Variants in ZSWIM5 observed in about 807,000 individuals in gnomAD.
The protein encoded by ZSWIM5 is zinc finger SWIM domain-containing protein 5.
A neutral mutation model predicts 119.6 loss-of-function variants in ZSWIM5; 55 were observed. That is an observed-to-expected ratio of 0.46 (90% CI 0.37 to 0.58). The LOEUF is 0.58. Ranked by LOEUF, ZSWIM5 falls within the 20% of genes least tolerant of loss-of-function variation. ZSWIM5 has a pLI of 0.00. For missense variants in ZSWIM5, 1,193 were observed against 1,512.8 expected, an observed-to-expected ratio of 0.79 and a Z score of 3.51; for synonymous variants, 537 against 606.9, an observed-to-expected ratio of 0.88 and a Z score of 1.69.
chr1:45,196,034 G>GTTTTTTTTTTTTT (rs34236930), intron 1 of ZSWIM5, among the ~76,000 whole-genome samples: 37 of 103,942 alleles, frequency 3.6e-4, no homozygotes, highest in African/African-American at 9.9e-4. Context: ...CACCCAGCTA[G>GTTTTTTTTTTTTT]TTTTTTTTTT....
At chr1:45,054,906 A>G (rs1645112085) in intron 4 of ZSWIM5, among the ~76,000 whole-genome samples, 1 of 152,128 alleles carries the variant, frequency 6.6e-6, no homozygotes, top group African/African-American at 2.4e-5. Context: ...GCTCACTGCA[A>G]TGTCTGCCTC....
rs1319276943 is a variant in ZSWIM5 at position 45,035,039 on chromosome 1, C to T, written c.2292-570G>A. Among the ~76,000 whole-genome samples the T allele has an allele frequency of 3.3e-5, 5 of 152,126 alleles. No individual in the cohort carries two copies. The East Asian group carries it at 5.8e-4, about 18-fold the overall frequency. On this transcript the variant is annotated intron_variant, in intron 10 of 13. Transcript: ENST00000359600. ...CTGGGCTCAAGCAATCTACCTGCCT[C>T]GGCCTCCCAAAGTGCTAGGATTATA...
chr1:45,029,770 T>C (rs992919928), intron 11 of ZSWIM5, among the ~76,000 whole-genome samples: 1 of 152,258 alleles, frequency 6.6e-6, no homozygotes, highest in African/African-American at 2.4e-5. Context: ...TGTATCAGAC[T>C]TTCATTCCTT....
At chr1:45,139,436 C>G (rs1474071195) in intron 1 of ZSWIM5, among the ~76,000 whole-genome samples, 5 of 143,310 alleles carry the variant, frequency 3.5e-5, no homozygotes, top group Non-Finnish European at 6.1e-5. Flanking sequence ...CTCTCTCCTT[C>G]CCTCCTCTCT....
At chr1:45,122,665 A>G (rs949668570) in intron 1 of ZSWIM5, among the ~76,000 whole-genome samples, 2 of 152,302 alleles carry the variant, frequency 1.3e-5, no homozygotes, top group African/African-American at 4.8e-5. Context: ...CAACCAAGAA[A>G]TGCCAACAGA....
At chr1:45,021,927 CAGG>C (rs1186095862) in intron 11 of ZSWIM5, among the ~76,000 whole-genome samples, 1 of 150,298 alleles carries the variant, frequency 6.7e-6, no homozygotes, top group Non-Finnish European at 1.5e-5. Context: ...GAGGCTGAGG[CAGG>C]AGAAGAGCTT....
At chr1:45,076,258 T>C (rs753356505) in intron 2 of ZSWIM5, among the ~76,000 whole-genome samples, 1 of 152,218 alleles carries the variant, frequency 6.6e-6, no homozygotes, top group Non-Finnish European at 1.5e-5. Flanking sequence ...ATCCTTTTTA[T>C]ACTGATAGAA....
chr1:45,156,741 A>G lies in ZSWIM5; in HGVS notation c.595+49015T>C, dbSNP rs550170614. Among the ~76,000 whole-genome samples, 6 of 151,834 alleles carry G rather than the reference A, an allele frequency of 4.0e-5. No individual in the cohort carries two copies. The East Asian group carries it at 1.2e-3, about 29-fold the overall frequency. ...GAAGTTAAAAAAAAAAAAAAAAAGA[A>G]CACACTGCACAGGTGATTGAGAAAG... On this transcript the variant is annotated intron_variant, in intron 1 of 13. Coordinates refer to ENST00000359600, the MANE Select transcript of ZSWIM5 (RefSeq NM_020883.2).
At chr1:45,196,063 A>C (rs1646120829) in intron 1 of ZSWIM5, among the ~76,000 whole-genome samples, 1 of 114,240 alleles carries the variant, frequency 8.8e-6, no homozygotes, top group Non-Finnish European at 1.9e-5. Context: ...TTTTTTAAAG[A>C]TGAGGTCTCA....
chr1:45,041,416 A>G (rs894068389), intron 6 of ZSWIM5, among the ~76,000 whole-genome samples: 6 of 152,314 alleles, frequency 3.9e-5, no homozygotes, highest in Admixed American at 2.0e-4. Context: ...TTTTTTCTTA[A>G]AGATAAAATT....
chr1:45,133,325 T>A (rs372042481), intron 1 of ZSWIM5, among the ~76,000 whole-genome samples: 612 of 152,202 alleles, frequency 4.0e-3, no homozygotes, highest in Non-Finnish European at 7.3e-3. Flanking sequence ...GTGAGATGGT[T>A]TCTCATTGTG....
chr1:45,125,504 A>C (rs948018647), intron 1 of ZSWIM5, among the ~76,000 whole-genome samples: 1 of 152,096 alleles, frequency 6.6e-6, no homozygotes. Flanking sequence ...AAAAAAAACA[A>C]AAGGCCACGC....
chr1:45,086,168 G>C (rs1364641825), intron 2 of ZSWIM5, among the ~76,000 whole-genome samples: 1 of 152,128 alleles, frequency 6.6e-6, no homozygotes, highest in Non-Finnish European at 1.5e-5. Flanking sequence ...AGAGAGAAGG[G>C]GCAGGTGCTT....
At chr1:45,048,919 G>A (rs533585437) in intron 5 of ZSWIM5, among the ~76,000 whole-genome samples, 47 of 152,174 alleles carry the variant, frequency 3.1e-4, no homozygotes, top group Admixed American at 1.4e-3. Flanking sequence ...TCAGGAGTTC[G>A]AGACTAGCCT....
At chr1:45,024,759 A>C (rs1471825209) in intron 11 of ZSWIM5, among the ~76,000 whole-genome samples, 1 of 152,098 alleles carries the variant, frequency 6.6e-6, no homozygotes, top group Non-Finnish European at 1.5e-5. Flanking sequence ...GGTTAAAGAT[A>C]TTCTCCTGTC....
chr1:45,042,983 C>T (rs965013725), intron 6 of ZSWIM5, among the ~76,000 whole-genome samples: 1 of 152,172 alleles, frequency 6.6e-6, no homozygotes, highest in Non-Finnish European at 1.5e-5. Flanking sequence ...TCCTTTCACC[C>T]CCTCAAAACT....
chr1:45,109,364 AATT>A (rs531217321), intron 1 of ZSWIM5, among the ~76,000 whole-genome samples: 1 of 152,140 alleles, frequency 6.6e-6, no homozygotes, highest in Non-Finnish European at 1.5e-5. Flanking sequence ...CAACCCCATT[AATT>A]GGCCAGCATC....
intron 5 of ZSWIM5, among the ~76,000 whole-genome samples, chr1:45,048,783 CAGGGT>C (rs958031975): frequency 3.3e-5 from 5 of 151,992 alleles, no homozygotes; most frequent in African/African-American, 1.2e-4. Flanking sequence ...ATTGAGAGGC[CAGGGT>C]ATTGGAAGGG....
intron 11 of ZSWIM5, among the ~76,000 whole-genome samples, chr1:45,032,669 A>C (rs1644960091): frequency 6.6e-6 from 1 of 150,444 alleles, no homozygotes; most frequent in South Asian, 2.1e-4. Flanking sequence ...TATTTTTAGT[A>C]GAGACAGGGG....
Sources: allele counts gnomAD v4.1 joint callset (sites outside exome capture counted in the v4.1 genomes callset), GRCh38; gene constraint gnomAD v4.1.1; transcripts MANE v1.5; gene names NCBI Gene and HGNC (gene_info 2026-07-23, HGNC 2026-07-21).